The following MEGF10 variants were observed in gnomAD, a reference collection of about 807,000 sequenced individuals.
MEGF10 encodes multiple epidermal growth factor-like domains protein 10.
A neutral mutation model predicts 147.5 loss-of-function variants in MEGF10; 86 were observed. The observed-to-expected ratio is 0.58, with a 90% CI of 0.49 to 0.70. The LOEUF (loss-of-function observed/expected upper bound fraction) is 0.70. Ranked by LOEUF, MEGF10 falls within the 30% of genes least tolerant of loss-of-function variation. The probability of loss-of-function intolerance (pLI) is 0.00; values close to 1 mark genes in which losing one functional copy is unlikely to be tolerated. For missense variants in MEGF10, 1,329 were observed against 1,487.3 expected (o/e 0.89, Z 1.75); for synonymous variants, 478 against 525.5 (o/e 0.91, Z 1.24).
the MEGF10 span, among the ~76,000 whole-genome samples, chr5:127,264,716 A>G: frequency 6.6e-6 from 1 of 152,192 alleles, no homozygotes; most frequent in African/African-American, 2.4e-5. Flanking sequence ...GGTCTAAGTA[A>G]TCCTAAATAC....
At chr5:127,451,879 G>C (rs572507839) in intron 22 of MEGF10, among the ~76,000 whole-genome samples, 2 of 152,294 alleles carry the variant, frequency 1.3e-5, no homozygotes, top group African/African-American at 2.4e-5. Flanking sequence ...AAAGCTTACA[G>C]GTGCTTTAAA....
At chr5:127,249,321 C>T in the MEGF10 span, among the ~76,000 whole-genome samples, 1 of 151,100 alleles carries the variant, frequency 6.6e-6, no homozygotes, top group African/African-American at 2.4e-5. Context: ...ATCCCTGGCG[C>T]AATCACTAAT....
upstream of MEGF10, among the ~76,000 whole-genome samples, chr5:127,288,534 C>T (rs1021907479): frequency 6.6e-6 from 1 of 152,070 alleles, no homozygotes; most frequent in African/African-American, 2.4e-5. Flanking sequence ...AAATTAAAAC[C>T]ACGATGTGAT....
intron 1 of MEGF10, among the ~76,000 whole-genome samples, chr5:127,308,508 A>G (rs776207494): frequency 2.0e-4 from 31 of 152,310 alleles, no homozygotes; most frequent in Non-Finnish European, 4.0e-4. Flanking sequence ...TGTGGCACAT[A>G]TACACCATGG....
chr5:127,406,381 T>A (rs1437804723), intron 8 of MEGF10, among the ~76,000 whole-genome samples: 1 of 152,212 alleles, frequency 6.6e-6, no homozygotes, highest in Admixed American at 6.5e-5. Context: ...GTGACATGAT[T>A]CCTGTTTTCA....
rs140185053 is a variant in MEGF10 at position 127,396,094 on chromosome 5, A to G, written c.413-438A>G. 5.4e-3 allele frequency among the ~76,000 whole-genome samples: 826 copies of G among 152,110 alleles called. 7 individuals carry two copies. Among genetic ancestry groups the G allele is most frequent in the African/African-American group, 0.019 (796 of 41,482 alleles). On this transcript the variant is annotated intron_variant, in intron 5 of 24. Coordinates refer to ENST00000503335, the MANE Select transcript of MEGF10 (RefSeq NM_001256545.2). ...CTCTCCCTTCTTAAAATCTTTCACT[A>G]CCAATCCCTTGTTCACAAGATGCAA...
chr5:127,432,049 A>G lies in MEGF10; in HGVS notation c.1694-1314A>G, dbSNP rs572750463. On this transcript the variant is annotated intron_variant, in intron 13 of 24. Coordinates refer to ENST00000503335, the MANE Select transcript of MEGF10 (RefSeq NM_001256545.2). ...TTCTATGGGAAACATTTAAACCCCAATTGGTTTATGAACAGACCTGGTCTC... is the reference window on the plus strand; with the variant it reads ...TTCTATGGGAAACATTTAAACCCCAGTTGGTTTATGAACAGACCTGGTCTC... Among the ~76,000 whole-genome samples, 10 of 152,276 alleles carry G rather than the reference A, an allele frequency of 6.6e-5. No individual in the cohort carries two copies. In the South Asian group the frequency reaches 1.5e-3, roughly 22 times the overall value.
At chr5:127,270,743 C>T in the MEGF10 span, among the ~76,000 whole-genome samples, 1 of 152,094 alleles carries the variant, frequency 6.6e-6, no homozygotes, top group Non-Finnish European at 1.5e-5. Flanking sequence ...CTGATAGGAC[C>T]CAGTTTGTTT....
At chr5:127,408,993 A>G (rs1764444093) in intron 8 of MEGF10, among the ~76,000 whole-genome samples, 1 of 152,082 alleles carries the variant, frequency 6.6e-6, no homozygotes, top group Non-Finnish European at 1.5e-5. Context: ...GGGAGGGTCA[A>G]TTGAGCCCAG....
chr5:127,308,805 T>C (rs1760130296), intron 1 of MEGF10, among the ~76,000 whole-genome samples: 1 of 151,854 alleles, frequency 6.6e-6, no homozygotes, highest in Non-Finnish European at 1.5e-5. Flanking sequence ...ATGGCACATG[T>C]ATACATATGT....
intron 1 of MEGF10, among the ~76,000 whole-genome samples, chr5:127,293,599 T>C (rs1759362539): frequency 6.6e-6 from 1 of 152,234 alleles, no homozygotes; most frequent in African/African-American, 2.4e-5. Context: ...CATGCTCATT[T>C]AGCAGCAGTG....
intron 5 of MEGF10, among the ~76,000 whole-genome samples, chr5:127,372,776 G>T (rs561857725): frequency 5.7e-4 from 87 of 152,298 alleles, no homozygotes; most frequent in African/African-American, 2.0e-3. Flanking sequence ...ATGATATCAT[G>T]ATATCCATGT....
chr5:127,292,268 G>A (rs1759293688), intron 1 of MEGF10, among the ~76,000 whole-genome samples: 1 of 152,118 alleles, frequency 6.6e-6, no homozygotes, highest in Admixed American at 6.5e-5. Flanking sequence ...CTGTGATTTT[G>A]GGGTAAGTTA....
intron 13 of MEGF10, among the ~76,000 whole-genome samples, chr5:127,432,090 G>A (rs1765401483): frequency 6.6e-6 from 1 of 152,108 alleles, no homozygotes; most frequent in Non-Finnish European, 1.5e-5. Flanking sequence ...TTCAGCCCAT[G>A]GTCCGAATGA....
the MEGF10 span, among the ~76,000 whole-genome samples, chr5:127,233,216 C>T: frequency 1.3e-5 from 2 of 152,328 alleles, no homozygotes; most frequent in Non-Finnish European, 1.5e-5. Context: ...CTAGCTTCAC[C>T]ACACAGTTAG....
chr5:127,240,097 T>G, the MEGF10 span, among the ~76,000 whole-genome samples: 4 of 152,174 alleles, frequency 2.6e-5, no homozygotes, highest in Non-Finnish European at 5.9e-5. Context: ...TTCCCTGGGT[T>G]CTGGCCTCAG....
chr5:127,248,177 A>T, the MEGF10 span, among the ~76,000 whole-genome samples: 1 of 152,150 alleles, frequency 6.6e-6, no homozygotes, highest in African/African-American at 2.4e-5. Context: ...GGTATAGCCT[A>T]GCCCAAACAA....
intron 6 of MEGF10, among the ~76,000 whole-genome samples, chr5:127,397,783 G>A (rs1763975638): frequency 6.6e-6 from 1 of 152,158 alleles, no homozygotes; most frequent in African/African-American, 2.4e-5. Context: ...AATTTCCCAG[G>A]AGAGCAGGAA....
chr5:127,326,929 C>T (rs1191533536), intron 1 of MEGF10, among the ~76,000 whole-genome samples: 1 of 152,044 alleles, frequency 6.6e-6, no homozygotes, highest in African/African-American at 2.4e-5. Context: ...ATAATTTTCC[C>T]CTCTGTTGTT....
Sources: allele counts gnomAD v4.1 joint callset (sites outside exome capture counted in the v4.1 genomes callset), GRCh38; gene constraint gnomAD v4.1.1; transcripts MANE v1.5; gene names NCBI Gene and HGNC (gene_info 2026-07-23, HGNC 2026-07-21).